The following LRRC4C variants were observed in gnomAD, a reference collection of about 807,000 sequenced individuals.
LRRC4C encodes leucine-rich repeat-containing protein 4C.
A neutral mutation model predicts 33.6 loss-of-function variants in LRRC4C; 5 were observed. That is an observed-to-expected ratio of 0.15 (90% CI 0.08 to 0.31). The LOEUF is 0.31. Ranked by LOEUF, LRRC4C falls within the 10% of genes least tolerant of loss-of-function variation. The pLI is 1.00. For synonymous variants in LRRC4C, 329 were observed against 302.0 expected (o/e 1.09, Z -0.93); for missense variants, 560 against 796.7 (o/e 0.70, Z 3.58).
At chr11:41,229,985 T>C (rs1273881436) in intron 1 of LRRC4C, among the ~76,000 whole-genome samples, 1 of 152,134 alleles carries the variant, frequency 6.6e-6, no homozygotes, top group Non-Finnish European at 1.5e-5. Context: ...AATTTTAAAA[T>C]ACCAGATGTC....
intron 4 of LRRC4C, among the ~76,000 whole-genome samples, chr11:40,247,598 A>G (rs960202173): frequency 1.8e-4 from 27 of 152,124 alleles, no homozygotes; most frequent in Admixed American, 6.6e-5. Flanking sequence ...GGATTCCCAG[A>G]GCCTACACTC....
chr11:41,171,585 A>T (rs1944978930), intron 1 of LRRC4C, among the ~76,000 whole-genome samples: 2 of 133,066 alleles, frequency 1.5e-5, no homozygotes, highest in African/African-American at 5.6e-5. Flanking sequence ...GGAACATCAC[A>T]CACCGGGGAC....
chr11:41,331,620 A>C (rs552011572), intron 1 of LRRC4C, among the ~76,000 whole-genome samples: 2 of 152,280 alleles, frequency 1.3e-5, no homozygotes, highest in African/African-American at 4.8e-5. Context: ...CACTTGCTTT[A>C]GGTGTTTCCT....
intron 5 of LRRC4C, among the ~76,000 whole-genome samples, chr11:40,158,321 G>A (rs1414078264): frequency 6.6e-6 from 1 of 152,060 alleles, no homozygotes; most frequent in African/African-American, 2.4e-5. Context: ...AGTGTATACT[G>A]CTCAAGTGAT....
chr11:41,218,214 G>T (rs1947147446), intron 1 of LRRC4C, among the ~76,000 whole-genome samples: 1 of 151,796 alleles, frequency 6.6e-6, no homozygotes, highest in South Asian at 2.1e-4. Flanking sequence ...ATAGTTAAGA[G>T]GAGACAGTCA....
At chr11:40,217,966 A>G (rs1864097319) in intron 5 of LRRC4C, among the ~76,000 whole-genome samples, 1 of 152,184 alleles carries the variant, frequency 6.6e-6, no homozygotes, top group Admixed American at 6.5e-5. Flanking sequence ...CTGCAAAGCA[A>G]TCAGATTCGT....
chr11:40,191,505 A>C (rs1400657681), intron 5 of LRRC4C, among the ~76,000 whole-genome samples: 2 of 152,182 alleles, frequency 1.3e-5, no homozygotes, highest in African/African-American at 4.8e-5. Flanking sequence ...AGCATTACTA[A>C]TTGAGTGCAG....
intron 1 of LRRC4C, among the ~76,000 whole-genome samples, chr11:41,048,055 C>T (rs1255008668): frequency 6.6e-6 from 1 of 152,142 alleles, no homozygotes; most frequent in Non-Finnish European, 1.5e-5. Context: ...CATAACTTTT[C>T]TACTTCATGC....
chr11:40,141,694 C>T (rs184967335), intron 5 of LRRC4C, among the ~76,000 whole-genome samples: 11 of 152,150 alleles, frequency 7.2e-5, no homozygotes, highest in African/African-American at 2.6e-4. Context: ...GAGAGAACAA[C>T]AGGGAGGCAG....
At chr11:40,825,943 G>C (rs527334954) in intron 2 of LRRC4C, among the ~76,000 whole-genome samples, 10,112 of 59,830 alleles carry the variant, frequency 0.17, 645 homozygotes, top group Non-Finnish European at 0.25. Context: ...TGTATTCTGG[G>C]GGGGGGGCGT....
intron 1 of LRRC4C, among the ~76,000 whole-genome samples, chr11:41,192,422 CACAT>C (rs1352310383): frequency 1.4e-5 from 2 of 145,410 alleles, no homozygotes; most frequent in African/African-American, 2.5e-5. Flanking sequence ...CACACACACA[CACAT>C]ATATATACAT....
intron 1 of LRRC4C, among the ~76,000 whole-genome samples, chr11:41,261,816 T>C (rs773223214): frequency 6.6e-6 from 1 of 152,118 alleles, no homozygotes; most frequent in Admixed American, 6.6e-5. Flanking sequence ...GAGATCATAT[T>C]CAATGTGTTT....
chr11:40,665,325 A>AAATATAT (rs1943712197), intron 2 of LRRC4C, among the ~76,000 whole-genome samples: 1 of 13,448 alleles, frequency 7.4e-5, no homozygotes, highest in Non-Finnish European at 1.4e-4. Context: ...AAAAAAAAAA[A>AAATATAT]ATATATATAT....
intron 1 of LRRC4C, among the ~76,000 whole-genome samples, chr11:41,337,087 C>G (rs186448134): frequency 6.6e-6 from 1 of 151,940 alleles, no homozygotes; most frequent in South Asian, 2.1e-4. Flanking sequence ...CTTTGTCACC[C>G]AAGCTAGAGT....
chr11:41,139,289 T>C (rs1943401940), intron 1 of LRRC4C, among the ~76,000 whole-genome samples: 1 of 152,180 alleles, frequency 6.6e-6, no homozygotes, highest in African/African-American at 2.4e-5. Flanking sequence ...ATATACAATG[T>C]CTATTTTATC....
At chr11:40,203,203 C>T (rs556986748) in intron 5 of LRRC4C, among the ~76,000 whole-genome samples, 1 of 152,250 alleles carries the variant, frequency 6.6e-6, no homozygotes, top group East Asian at 1.9e-4. Flanking sequence ...CACCCACCTT[C>T]AATTCCAATC....
intron 1 of LRRC4C, among the ~76,000 whole-genome samples, chr11:41,052,679 C>G (rs1423595020): frequency 2.6e-5 from 4 of 152,014 alleles, no homozygotes; most frequent in Non-Finnish European, 5.9e-5. Context: ...GAGTAGGTGA[C>G]TAACTTTTCA....
At chr11:41,391,491 T>C (rs374394055) in intron 1 of LRRC4C, among the ~76,000 whole-genome samples, 3 of 151,918 alleles carry the variant, frequency 2.0e-5, no homozygotes, top group South Asian at 4.1e-4. Context: ...TCTACAAATA[T>C]GTATTGAGCA....
intron 3 of LRRC4C, chr11:40,446,770 C>T (rs1951654679): frequency 6.6e-6 from 1 of 152,136 alleles, no homozygotes; most frequent in African/African-American, 2.4e-5. Context: ...AAAGGAAGAA[C>T]TTGCCAAACA....
Sources: allele counts gnomAD v4.1 joint callset (sites outside exome capture counted in the v4.1 genomes callset), GRCh38; gene constraint gnomAD v4.1.1; transcripts MANE v1.5; gene names NCBI Gene and HGNC (gene_info 2026-07-23, HGNC 2026-07-21).